KCNMA1: variants seen among roughly 807,000 people sequenced by gnomAD.
KCNMA1 encodes Calcium-activated potassium channel subunit alpha-1.
KCNMA1 carries 29 observed loss-of-function variants against 140.0 expected under a neutral mutation model. The observed-to-expected ratio is 0.21, with a 90% CI of 0.15 to 0.28. The LOEUF is 0.28. Among genes scored for constraint, KCNMA1 ranks in the 10% least tolerant of loss-of-function variants. The pLI, the probability that KCNMA1 is intolerant of heterozygous loss-of-function variation, is 1.00. For synonymous variants in KCNMA1, 612 were observed against 611.9 expected, an observed-to-expected ratio of 1.00 and a Z score of 0.00; for missense variants, 880 against 1,602.2, an observed-to-expected ratio of 0.55 and a Z score of 7.70.
At chr10:77,526,009 T>C (rs2055465496) in intron 1 of KCNMA1, among the ~76,000 whole-genome samples, 1 of 152,118 alleles carries the variant, frequency 6.6e-6, no homozygotes, top group Non-Finnish European at 1.5e-5. Flanking sequence ...GGAGAAAGAT[T>C]TTCTCTATAT....
intron 17 of KCNMA1, chr10:77,012,250 T>C: frequency 1.4e-6 from 2 of 1,464,474 alleles, no homozygotes; most frequent in South Asian, 3.0e-5. Flanking sequence ...TTTGAGTTAG[T>C]GCTCCTTTTC....
At chr10:76,920,036 A>G (rs1457620143) in intron 23 of KCNMA1, among the ~76,000 whole-genome samples, 3 of 115,056 alleles carry the variant, frequency 2.6e-5, no homozygotes, top group African/African-American at 7.4e-5. Flanking sequence ...ATATATATAT[A>G]TATATATATA....
chr10:77,194,620 A>G (rs2039809650), intron 3 of KCNMA1, among the ~76,000 whole-genome samples: 1 of 152,098 alleles, frequency 6.6e-6, no homozygotes, highest in African/African-American at 2.4e-5. Context: ...GGATAATGAG[A>G]TGCCTGAGAC....
rs369196076 is a variant in KCNMA1, at chr10:77,262,262, C to T, written c.541-11006G>A. Among the ~76,000 whole-genome samples, 6 of 152,142 alleles carry T rather than the reference C, an allele frequency of 3.9e-5. No individual in the cohort carries two copies. The South Asian group carries it at 8.3e-4, about 21-fold the overall frequency. On this transcript the variant is annotated intron_variant, in intron 2 of 27. Transcript: ENST00000286628. ...AAGGAAATTCTGGTCCATACTACGACGTGAATGACCCTTGAAGACATTATG... is the reference window on the plus strand; with the variant it reads ...AAGGAAATTCTGGTCCATACTACGATGTGAATGACCCTTGAAGACATTATG...
chr10:76,883,241 T>A (rs55811817), downstream of KCNMA1, among the ~76,000 whole-genome samples: 7,108 of 152,122 alleles, frequency 0.047, 506 homozygotes, highest in African/African-American at 0.15. Context: ...CATATTTTTT[T>A]AAAAAAATCA....
intron 2 of KCNMA1, among the ~76,000 whole-genome samples, chr10:77,313,160 A>G (rs1239793222): frequency 6.6e-6 from 1 of 152,162 alleles, no homozygotes; most frequent in African/African-American, 2.4e-5. Flanking sequence ...GGAAATGGTT[A>G]AACAGTTCAT....
At chr10:77,630,842 C>T (rs956604606) in intron 1 of KCNMA1, among the ~76,000 whole-genome samples, 1 of 152,030 alleles carries the variant, frequency 6.6e-6, no homozygotes, top group African/African-American at 2.4e-5. Flanking sequence ...CACAGTGGCT[C>T]ACACCACTGT....
intron 20 of KCNMA1, among the ~76,000 whole-genome samples, chr10:76,954,304 C>G (rs754501464): frequency 6.6e-6 from 1 of 152,030 alleles, no homozygotes; most frequent in Non-Finnish European, 1.5e-5. Context: ...TACACACACA[C>G]AGACAGACAC....
chr10:77,569,968 CA>C (rs1168549223), intron 1 of KCNMA1, among the ~76,000 whole-genome samples: 1 of 151,932 alleles, frequency 6.6e-6, no homozygotes, highest in East Asian at 1.9e-4. Flanking sequence ...TTTATGCAGC[CA>C]AAAAACACAC....
intron 2 of KCNMA1, among the ~76,000 whole-genome samples, chr10:77,382,015 A>G (rs912658642): frequency 1.3e-5 from 2 of 151,936 alleles, no homozygotes; most frequent in African/African-American, 4.8e-5. Context: ...CTCTTTATTT[A>G]TTTTCCACTG....
At chr10:77,203,860 G>T (rs1002148005) in intron 3 of KCNMA1, among the ~76,000 whole-genome samples, 3 of 152,118 alleles carry the variant, frequency 2.0e-5, no homozygotes, top group Non-Finnish European at 2.9e-5. Context: ...ACTTTGGGAG[G>T]CTGAGGCGGG....
At chr10:77,468,934 T>C (rs2098092272) in intron 1 of KCNMA1, among the ~76,000 whole-genome samples, 1 of 152,176 alleles carries the variant, frequency 6.6e-6, no homozygotes, top group South Asian at 2.1e-4. Flanking sequence ...TTCATCTTAC[T>C]CTTCTGTGTG....
intron 1 of KCNMA1, among the ~76,000 whole-genome samples, chr10:77,497,543 A>G (rs1304287234): frequency 6.6e-6 from 1 of 152,162 alleles, no homozygotes; most frequent in Non-Finnish European, 1.5e-5. Context: ...GCTTCCAAAA[A>G]CTGTGTCCCC....
chr10:76,883,356 C>A (rs1197919916), downstream of KCNMA1, among the ~76,000 whole-genome samples: 1 of 152,172 alleles, frequency 6.6e-6, no homozygotes, highest in African/African-American at 2.4e-5. Context: ...GGTTCTGGGT[C>A]ATAATCTTTA....
chr10:76,990,217 C>T (rs1404071292), intron 19 of KCNMA1, among the ~76,000 whole-genome samples: 1 of 152,184 alleles, frequency 6.6e-6, no homozygotes, highest in Non-Finnish European at 1.5e-5. Flanking sequence ...GACTCAAACA[C>T]ACATAAGACA....
chr10:76,975,806 T>C (rs569954679), intron 19 of KCNMA1, among the ~76,000 whole-genome samples: 2 of 152,336 alleles, frequency 1.3e-5, no homozygotes, highest in East Asian at 3.9e-4. Flanking sequence ...TTTTGAAAGA[T>C]CGTGGCTAAT....
rs2153875624 is a variant in KCNMA1, at chr10:77,110,199, T to A, written c.1105A>T (p.Met369Leu). The A allele has an allele frequency of 6.2e-7, 1 of 1,613,992 alleles. No individual in the cohort carries two copies. Among genetic ancestry groups the A allele is most frequent in the Non-Finnish European group, 8.5e-7 (1 of 1,179,956 alleles). Residue 369 changes from methionine (M) to leucine (L), a missense_variant, in exon 8 of 28, where the codon ATG (methionine) becomes TTG (leucine). By Grantham distance (15) the Met-to-Leu change is conservative. Coordinates refer to ENST00000286628, the MANE Select transcript of KCNMA1 (RefSeq NM_001161352.2). ...AGTCCCCCGAGGATGAAGAAGACCA[T>A]GAAGAGGCGCCCAAGTGTGGTTTTT... ...YAKTTLGRLFMVFFILGGLAM... is the reference protein window; with the variant it reads ...YAKTTLGRLFLVFFILGGLAM...
At chr10:77,125,608 C>A (rs1173728458) in intron 5 of KCNMA1, among the ~76,000 whole-genome samples, 1 of 152,224 alleles carries the variant, frequency 6.6e-6, no homozygotes, top group Admixed American at 6.5e-5. Flanking sequence ...CTCTTTCCTG[C>A]TTCACTTTTC....
chr10:77,572,603 T>A lies in KCNMA1; in HGVS notation c.378+64662A>T, dbSNP rs574914651. Among the ~76,000 whole-genome samples the A allele has an allele frequency of 2.9e-3, 287 of 98,504 alleles. 1 individual carries two copies. The highest frequency in any genetic ancestry group is 3.5e-3 in the Non-Finnish European group (168 of 48,160). The allele number at this position is 98,504 out of a possible 152,430, so 64.6% of individuals were successfully genotyped here. A position where few individuals can be genotyped will look rare whatever the true frequency, so the allele number is the denominator to read the frequency against. On this transcript the variant is annotated intron_variant, in intron 1 of 27. Coordinates refer to ENST00000286628, the MANE Select transcript of KCNMA1 (RefSeq NM_001161352.2). ...ATATATATATATATATATATATATATAAATTAGCTGGGCATGGTGGCATGT... is the reference window on the plus strand; with the variant it reads ...ATATATATATATATATATATATATAAAAATTAGCTGGGCATGGTGGCATGT...
Sources: gnomAD v4.1 joint callset for allele counts (sites outside exome capture counted in the v4.1 genomes callset) on GRCh38, gnomAD v4.1.1 for gene constraint, MANE v1.5 for transcripts, NCBI Gene and HGNC (gene_info 2026-07-23, HGNC 2026-07-21) for gene names.